The following LATS1 variants were observed in gnomAD, a reference collection of about 807,000 sequenced individuals.
LATS1 encodes large tumor suppressor kinase 1.
Under a neutral mutation model 106.6 loss-of-function variants are expected in LATS1, and 25 were observed. The observed-to-expected ratio is 0.23, with a 90% CI of 0.17 to 0.33. The LOEUF (loss-of-function observed/expected upper bound fraction) is 0.33, where lower values mean the gene tolerates loss of function less well. LATS1 is among the 10% of genes least tolerant of loss of function. LATS1 has a pLI of 1.00. For synonymous variants in LATS1, 465 were observed against 455.6 expected, an observed-to-expected ratio of 1.02 and a Z score of -0.26; for missense variants, 1,040 against 1,382.6, an observed-to-expected ratio of 0.75 and a Z score of 3.93.
At chr6:149,712,629 G>A (rs1010836403) in intron 1 of LATS1, among the ~76,000 whole-genome samples, 1 of 152,194 alleles carries the variant, frequency 6.6e-6, no homozygotes, top group Admixed American at 6.5e-5. Flanking sequence ...GGGATTACAG[G>A]TGTGAGCCAC....
At chr6:149,685,259 T>C (rs1387113380) in intron 3 of LATS1, among the ~76,000 whole-genome samples, 1 of 152,030 alleles carries the variant, frequency 6.6e-6, no homozygotes. Flanking sequence ...ATATATATTT[T>C]TGAAGAGATA....
At position 149,658,560 on chromosome 6, in the gene LATS1, C is replaced by G. The variant is rs1309371938; in HGVS notation, c.*3169G>C. On this transcript the variant is annotated 3_prime_UTR_variant, in exon 8 of 8. Transcript: ENST00000543571. ...GGGATGTTTATTAAAAATTTTTTATCTAAAATACCTTGGGTAACAGCAGCA... is the reference window on the plus strand; with the variant it reads ...GGGATGTTTATTAAAAATTTTTTATGTAAAATACCTTGGGTAACAGCAGCA... 1 of 152,168 alleles carries G rather than the reference C, an allele frequency of 6.6e-6. No individual in the cohort carries two copies. The highest frequency in any genetic ancestry group is 1.5e-5 in the Non-Finnish European group (1 of 68,020). 9.4% of individuals were successfully genotyped at this position (152,168 alleles called of 1,614,324 possible).
chr6:149,707,410 GTGGGAGGATCACT>G (rs1420256531), intron 1 of LATS1, among the ~76,000 whole-genome samples: 1 of 152,164 alleles, frequency 6.6e-6, no homozygotes, highest in African/African-American at 2.4e-5. Flanking sequence ...AGAGGCCCAG[GTGGGAGGATCACT>G]TGAGGCAAGG....
chr6:149,714,265 C>T (rs1345275731), intron 1 of LATS1, among the ~76,000 whole-genome samples: 1 of 152,066 alleles, frequency 6.6e-6, no homozygotes, highest in African/African-American at 2.4e-5. Flanking sequence ...AGCTACCACG[C>T]CCAGCTATTA....
intron 3 of LATS1, among the ~76,000 whole-genome samples, chr6:149,688,447 T>TA (rs1782530488): frequency 6.6e-6 from 1 of 152,052 alleles, no homozygotes; most frequent in South Asian, 2.1e-4. Flanking sequence ...TAGCTGGGAT[T>TA]ACAGGCGCCC....
chr6:149,704,135 C>CT (rs1232076386), intron 1 of LATS1, among the ~76,000 whole-genome samples: 1 of 152,120 alleles, frequency 6.6e-6, no homozygotes, highest in East Asian at 1.9e-4. Flanking sequence ...TCCCGAATAG[C>CT]TGGGATTACA....
chr6:149,693,014 C>T (rs935138285), intron 3 of LATS1, among the ~76,000 whole-genome samples: 3 of 151,790 alleles, frequency 2.0e-5, no homozygotes, highest in Non-Finnish European at 4.4e-5. Flanking sequence ...CCTATAATCC[C>T]AGCACTTCGG....
At chr6:149,671,508 T>G (rs79972945) in intron 7 of LATS1, among the ~76,000 whole-genome samples, 1,668 of 152,098 alleles carry the variant, frequency 0.011, 64 homozygotes, top group African/African-American at 0.039. Context: ...ATTTTTCCAT[T>G]TGCACCTTTG....
At position 149,667,438 on chromosome 6, in the gene LATS1, C is replaced by CAAAAAAA. The variant is rs1189854950; in HGVS notation, c.2884-5207_2884-5201dup. On this transcript the variant is annotated intron_variant, in intron 7 of 7. Transcript: ENST00000543571. ...TGGGCAACAAAACAAGACTGTATCTCAAAAAAAAAAAAAAAAAAAAAAAAA... is the reference window on the plus strand; with the variant it reads ...TGGGCAACAAAACAAGACTGTATCTCAAAAAAAAAAAAAAAAAAAAAAAAAAAAAAAA... 5.3e-4 allele frequency among the ~76,000 whole-genome samples: 18 copies of CAAAAAAA among 33,974 alleles called. 1 individual carries two copies. The highest frequency in any genetic ancestry group is 2.2e-3 in the African/African-American group (17 of 7,802). The allele number at this position is 33,974 out of a possible 152,430, so 22.3% of individuals were successfully genotyped here.
At chr6:149,702,971 C>A (rs540555576) in intron 1 of LATS1, among the ~76,000 whole-genome samples, 1 of 151,334 alleles carries the variant, frequency 6.6e-6, no homozygotes, top group Non-Finnish European at 1.5e-5. Context: ...CCGTGCCCAG[C>A]CTTTTTTTTT....
chr6:149,703,009 A>G (rs1783554895), intron 1 of LATS1, among the ~76,000 whole-genome samples: 1 of 148,856 alleles, frequency 6.7e-6, no homozygotes, highest in Non-Finnish European at 1.5e-5. Flanking sequence ...TCTACCACCC[A>G]GGCTAGAGTG....
intron 7 of LATS1, among the ~76,000 whole-genome samples, chr6:149,672,155 G>T (rs1157319306): frequency 6.6e-6 from 1 of 150,584 alleles, no homozygotes; most frequent in Non-Finnish European, 1.5e-5. Flanking sequence ...ACCTCCCAAA[G>T]TGCTGGGATT....
intron 1 of LATS1, among the ~76,000 whole-genome samples, chr6:149,715,306 T>C (rs1029917482): frequency 1.3e-5 from 2 of 152,170 alleles, no homozygotes; most frequent in African/African-American, 4.8e-5. Context: ...AGACCTCAGG[T>C]AATCCGCCCT....
intron 3 of LATS1, among the ~76,000 whole-genome samples, chr6:149,691,522 T>C (rs778601925): frequency 1.3e-4 from 20 of 152,190 alleles, no homozygotes; most frequent in Non-Finnish European, 4.4e-5. Context: ...TTCTTAGCAG[T>C]ATTTGGCATT....
chr6:149,708,332 T>C (rs1783898430), intron 1 of LATS1, among the ~76,000 whole-genome samples: 1 of 151,458 alleles, frequency 6.6e-6, no homozygotes. Flanking sequence ...GGAGAATCGC[T>C]TGAACCACAG....
chr6:149,692,703 T>C (rs1385830097), intron 3 of LATS1, among the ~76,000 whole-genome samples: 2 of 151,622 alleles, frequency 1.3e-5, no homozygotes, highest in South Asian at 2.1e-4. Context: ...AGAGGGAGTT[T>C]CGATCTTGTT....
At chr6:149,695,398 A>G (rs1271268496) in intron 2 of LATS1, among the ~76,000 whole-genome samples, 177 bp from the exon 3 acceptor site, 2 of 152,188 alleles carry the variant, frequency 1.3e-5, no homozygotes, top group African/African-American at 4.8e-5. Flanking sequence ...AATCTCAACT[A>G]AAACAGGCAG....
intron 4 of LATS1, 47 bp downstream of exon 4, chr6:149,683,028 CCAAG>C (rs757787116): frequency 2.8e-5 from 40 of 1,418,502 alleles, no homozygotes; most frequent in African/African-American, 7.2e-5. Flanking sequence ...AAAATAAACA[CCAAG>C]CAAACAGATG....
At chr6:149,687,948 C>T (rs1462371959) in intron 3 of LATS1, among the ~76,000 whole-genome samples, 2 of 149,970 alleles carry the variant, frequency 1.3e-5, no homozygotes, top group East Asian at 4.0e-4. Flanking sequence ...GATCTCGGCT[C>T]ACTGCAAGCT....
Sources: gnomAD v4.1 joint callset for allele counts (sites outside exome capture counted in the v4.1 genomes callset) on GRCh38, gnomAD v4.1.1 for gene constraint, MANE v1.5 for transcripts, NCBI Gene and HGNC (gene_info 2026-07-23, HGNC 2026-07-21) for gene names.